ZNF385D: variants seen among roughly 807,000 people sequenced by gnomAD.
ZNF385D encodes the protein zinc finger protein 385D, also known as zinc finger protein 659.
ZNF385D carries 15 observed loss-of-function variants against 35.8 expected under a neutral mutation model. The ratio of observed to expected loss-of-function variants is 0.42; its 90% CI spans 0.28 to 0.64. The LOEUF is 0.64. Among genes scored for constraint, ZNF385D ranks in the 30% least tolerant of loss-of-function variants. The probability of loss-of-function intolerance (pLI) is 0.23; values close to 1 mark genes in which losing one functional copy is unlikely to be tolerated. For synonymous variants in ZNF385D, 212 were observed against 186.8 expected, an observed-to-expected ratio of 1.13 and a Z score of -1.10; for missense variants, 474 against 494.6, an observed-to-expected ratio of 0.96 and a Z score of 0.39.
intron 3 of ZNF385D, among the ~76,000 whole-genome samples, chr3:22,097,402 T>C (rs1048634780): frequency 6.6e-6 from 1 of 151,902 alleles, no homozygotes; most frequent in East Asian, 1.9e-4. Flanking sequence ...CTAAGATTCT[T>C]AGATGGAGAA....
At position 21,875,189 on chromosome 3, in the gene ZNF385D, T is replaced by C. The variant is rs555481928; in HGVS notation, c.326-210161A>G. 2.6e-5 allele frequency among the ~76,000 whole-genome samples: 4 copies of C among 152,238 alleles called. 1 individual carries two copies. The highest frequency in any genetic ancestry group is 9.6e-5 in the African/African-American group (4 of 41,570). ...GTTTTCTACATATTAGACCATGTCATCTAGAAACAGAGATAATTTTACTTT... is the reference window on the plus strand; with the variant it reads ...GTTTTCTACATATTAGACCATGTCACCTAGAAACAGAGATAATTTTACTTT... On this transcript the variant is annotated intron_variant, in intron 3 of 5. Transcript: ENST00000494108.
intron 3 of ZNF385D, among the ~76,000 whole-genome samples, chr3:22,143,058 G>GTT (rs1303382235): frequency 2.9e-5 from 3 of 104,482 alleles, no homozygotes; most frequent in African/African-American, 1.2e-4. Flanking sequence ...TATTAAATCG[G>GTT]TTGTGTGTGT....
intron 3 of ZNF385D, among the ~76,000 whole-genome samples, chr3:22,050,877 T>TAAAATATAAAGCG (rs1220237397): frequency 1.0e-5 from 1 of 96,082 alleles, no homozygotes; most frequent in Non-Finnish European, 2.2e-5. Context: ...GTGTTATAAT[T>TAAAATATAAAGCG]TCTGTTCTTT....
intron 2 of ZNF385D, among the ~76,000 whole-genome samples, chr3:21,651,881 T>C (rs1428603110): frequency 1.3e-5 from 2 of 152,166 alleles, no homozygotes; most frequent in Non-Finnish European, 2.9e-5. Flanking sequence ...TAAGAAAGTG[T>C]AAATAAAATC....
chr3:21,721,931 C>G (rs2068557352), intron 1 of ZNF385D, among the ~76,000 whole-genome samples: 3 of 152,030 alleles, frequency 2.0e-5, no homozygotes, highest in African/African-American at 7.2e-5. Context: ...GAAACCCATC[C>G]CTACTAAAAA....
intron 2 of ZNF385D, among the ~76,000 whole-genome samples, chr3:22,305,377 CT>C (rs1477821625): frequency 7.9e-5 from 12 of 152,040 alleles, no homozygotes; most frequent in Non-Finnish European, 1.8e-4. Flanking sequence ...CTTAATAGTT[CT>C]TGGGATTACT....
intron 1 of ZNF385D, among the ~76,000 whole-genome samples, chr3:21,710,091 A>G (rs1160850711): frequency 6.6e-6 from 1 of 152,220 alleles, no homozygotes; most frequent in Non-Finnish European, 1.5e-5. Flanking sequence ...TAGAAAAGGT[A>G]AAACTACAGA....
intron 2 of ZNF385D, among the ~76,000 whole-genome samples, chr3:21,602,743 C>G (rs1372420958): frequency 6.6e-6 from 1 of 151,146 alleles, no homozygotes; most frequent in Non-Finnish European, 1.5e-5. Flanking sequence ...CCTTGTTAGC[C>G]AGGATGGTCT....
intron 3 of ZNF385D, among the ~76,000 whole-genome samples, chr3:21,966,802 A>C (rs1296370844): frequency 6.6e-6 from 1 of 152,278 alleles, no homozygotes; most frequent in Middle Eastern, 3.4e-3. Context: ...GGCTGGTCTC[A>C]AACTCCTGGC....
Position 22,162,497 on chromosome 3 carries a change from C to G in ZNF385D, c.325+6320G>C, listed in dbSNP as rs533015954. On this transcript the variant is annotated intron_variant, in intron 3 of 5. Transcript: ENST00000494108. ...TGAAGTTCTAACAGAGACATTTTAA[C>G]ACAGGCCACCATCTATACTTTCTGA... Among the ~76,000 whole-genome samples the G allele has an allele frequency of 9.2e-5, 14 of 152,268 alleles. No homozygotes were observed. In the South Asian group the frequency reaches 2.7e-3, roughly 29 times the overall value.
At chr3:22,123,957 TC>T (rs1218106757) in intron 3 of ZNF385D, among the ~76,000 whole-genome samples, 2 of 88,696 alleles carry the variant, frequency 2.3e-5, no homozygotes, top group South Asian at 3.9e-4. Flanking sequence ...TCTCTCTCTC[TC>T]TCTCTATATA....
At chr3:21,686,540 A>C (rs1181611472) in intron 1 of ZNF385D, among the ~76,000 whole-genome samples, 1 of 152,206 alleles carries the variant, frequency 6.6e-6, no homozygotes, top group East Asian at 1.9e-4. Context: ...AAATTAATTT[A>C]ATAATATATA....
intron 2 of ZNF385D, among the ~76,000 whole-genome samples, chr3:22,215,486 T>C (rs994325695): frequency 2.0e-5 from 3 of 151,964 alleles, no homozygotes; most frequent in Non-Finnish European, 4.4e-5. Context: ...GCTGTAAGGA[T>C]GAAATAAGCC....
chr3:21,461,152 A>C (rs1441476029), intron 4 of ZNF385D, among the ~76,000 whole-genome samples: 1 of 152,206 alleles, frequency 6.6e-6, no homozygotes. Flanking sequence ...AAGGAATGCA[A>C]AATGAAAGAA....
chr3:21,648,300 G>C (rs1045551621), intron 2 of ZNF385D, among the ~76,000 whole-genome samples: 4 of 152,160 alleles, frequency 2.6e-5, no homozygotes, highest in African/African-American at 9.7e-5. Context: ...ATGTGAAGAA[G>C]ATCTTTGCTT....
At chr3:22,091,878 T>A (rs1701351253) in intron 3 of ZNF385D, among the ~76,000 whole-genome samples, 1 of 152,228 alleles carries the variant, frequency 6.6e-6, no homozygotes, top group Admixed American at 6.6e-5. Flanking sequence ...TACAACTTGG[T>A]CTTTATTTCA....
intron 2 of ZNF385D, among the ~76,000 whole-genome samples, chr3:22,231,220 C>A (rs1257443017): frequency 6.6e-6 from 1 of 152,166 alleles, no homozygotes; most frequent in Non-Finnish European, 1.5e-5. Flanking sequence ...ATTACTCATC[C>A]TGAGAAAGTG....
chr3:21,806,330 G>A (rs1340197675), intron 3 of ZNF385D, among the ~76,000 whole-genome samples: 2 of 151,724 alleles, frequency 1.3e-5, no homozygotes, highest in East Asian at 3.9e-4. Flanking sequence ...TCAGTCTCCC[G>A]AGCAGCTGGG....
chr3:22,091,029 G>C (rs1701305447), intron 3 of ZNF385D, among the ~76,000 whole-genome samples: 1 of 152,128 alleles, frequency 6.6e-6, no homozygotes, highest in South Asian at 2.1e-4. Context: ...ATGGTGGGGT[G>C]GGACATGTGT....
Sources: allele counts gnomAD v4.1 joint callset (sites outside exome capture counted in the v4.1 genomes callset), GRCh38; gene constraint gnomAD v4.1.1; transcripts MANE v1.5; gene names NCBI Gene and HGNC (gene_info 2026-07-23, HGNC 2026-07-21).